SPTLC2: variants seen among roughly 807,000 people sequenced by gnomAD.
SPTLC2 encodes the protein serine palmitoyltransferase 2.
Under a neutral mutation model 62.0 loss-of-function variants are expected in SPTLC2, and 21 were observed. The ratio of observed to expected loss-of-function variants is 0.34; its 90% CI spans 0.24 to 0.49. The LOEUF is 0.49. Ranked by LOEUF, SPTLC2 falls within the 20% of genes least tolerant of loss-of-function variation. The pLI is 0.99. For synonymous variants in SPTLC2, 261 were observed against 261.8 expected (o/e 1.00, Z 0.03); for missense variants, 511 against 713.0 (o/e 0.72, Z 3.23).
At chr14:77,568,211 C>T (rs2079657095) in intron 5 of SPTLC2, among the ~76,000 whole-genome samples, 1 of 152,036 alleles carries the variant, frequency 6.6e-6, no homozygotes, top group Admixed American at 6.5e-5. Context: ...CTTCTTTGGC[C>T]CATGGGTTAT....
chr14:77,589,512 A>G (rs115277005), intron 2 of SPTLC2, among the ~76,000 whole-genome samples: 4,471 of 149,570 alleles, frequency 0.03, 234 homozygotes, highest in African/African-American at 0.1. Flanking sequence ...GATAATGGCC[A>G]GGCACGGTGG....
At chr14:77,567,162 A>G (rs1475596782) in intron 5 of SPTLC2, among the ~76,000 whole-genome samples, 1 of 151,468 alleles carries the variant, frequency 6.6e-6, no homozygotes, top group Non-Finnish European at 1.5e-5. Context: ...AGTAGAGACA[A>G]GGTTTCATCC....
At chr14:77,514,812 C>T (rs1039826552) in intron 11 of SPTLC2, among the ~76,000 whole-genome samples, 1 of 152,228 alleles carries the variant, frequency 6.6e-6, no homozygotes. Context: ...CTCACTCCCC[C>T]TCCTCTCAGG....
rs1016481548 is a variant in SPTLC2 at position 77,519,434 on chromosome 14, G to T, written c.1440-1267C>A. On this transcript the variant is annotated intron_variant, in intron 10 of 11. Transcript: ENST00000216484. ...AGCATTTGTTTGAGAATAAAAAAAT[G>T]TGGCCGGGCCAGTGGCTCGTGCCTG... 9.9e-5 allele frequency among the ~76,000 whole-genome samples: 15 copies of T among 152,092 alleles called. No individual in the cohort carries two copies. The South Asian group carries it at 2.9e-3, about 29-fold the overall frequency.
At position 77,531,371 on chromosome 14, in the gene SPTLC2, T is replaced by G. The variant is rs562487577; in HGVS notation, c.1304-9790A>C. Reference sequence around the variant, plus strand: ...GAAGATGGTACTCTTCCTGGTTGACTGTTCTCTACCATAAGCCCTGAAAGT... The same window carrying G: ...GAAGATGGTACTCTTCCTGGTTGACGGTTCTCTACCATAAGCCCTGAAAGT... On this transcript the variant is annotated intron_variant, in intron 9 of 11. Transcript: ENST00000216484. Among the ~76,000 whole-genome samples, 9 of 152,144 alleles carry G rather than the reference T, an allele frequency of 5.9e-5. No individual in the cohort carries two copies. The South Asian group carries it at 1.2e-3, about 21-fold the overall frequency.
chr14:77,511,948 G>C lies in SPTLC2; in HGVS notation c.*336C>G, dbSNP rs2079334257. 1 of 358,306 alleles carries C rather than the reference G, an allele frequency of 2.8e-6. No individual in the cohort carries two copies. 22.2% of individuals were successfully genotyped at this position (358,306 alleles called of 1,614,324 possible). ...TGGGCCCAAGTCTGCAAGGTGCTGGGAGAGGGGAATGGCCTGTGTGGTTAG... is the reference window on the plus strand; with the variant it reads ...TGGGCCCAAGTCTGCAAGGTGCTGGCAGAGGGGAATGGCCTGTGTGGTTAG... On this transcript the variant is annotated 3_prime_UTR_variant, in exon 12 of 12. Coordinates refer to ENST00000216484, the MANE Select transcript of SPTLC2 (RefSeq NM_004863.4).
At chr14:77,578,334 CTT>C (rs879396969) in intron 3 of SPTLC2, among the ~76,000 whole-genome samples, 39 of 136,770 alleles carry the variant, frequency 2.9e-4, no homozygotes, top group Admixed American at 2.9e-4. Flanking sequence ...GATAGCTTTT[CTT>C]TTTTTTTTTT....
rs1178642715 is a variant in SPTLC2 at position 77,560,267 on chromosome 14, T to G, written c.850+2129A>C. Among the ~76,000 whole-genome samples the G allele has an allele frequency of 2.6e-5, 4 of 152,172 alleles. No individual in the cohort carries two copies. In the South Asian group the frequency reaches 8.3e-4, roughly 32 times the overall value. ...CAACAGCAAAGACATAGGATCAATC[T>G]AAATGTCCATCAACAGTAGACTGGA... is the stretch of plus-strand genomic sequence containing the variant. On this transcript the variant is annotated intron_variant, in intron 6 of 11. Transcript: ENST00000216484.
chr14:77,525,771 G>A (rs1301902462), intron 9 of SPTLC2, among the ~76,000 whole-genome samples: 1 of 151,968 alleles, frequency 6.6e-6, no homozygotes, highest in African/African-American at 2.4e-5. Flanking sequence ...AAAATTAGCC[G>A]GGCGTGGTGG....
chr14:77,517,707 G>A (rs2079365857), intron 11 of SPTLC2, among the ~76,000 whole-genome samples: 1 of 152,122 alleles, frequency 6.6e-6, no homozygotes, highest in Non-Finnish European at 1.5e-5. Flanking sequence ...CCAGGCAGAG[G>A]GGAGAGAAAG....
chr14:77,554,096 G>A (rs1199899545), intron 8 of SPTLC2, among the ~76,000 whole-genome samples: 7 of 152,312 alleles, frequency 4.6e-5, no homozygotes, highest in South Asian at 4.1e-4. Context: ...GGGATTACAG[G>A]TGTGAGCTAC....
intron 9 of SPTLC2, among the ~76,000 whole-genome samples, chr14:77,529,840 C>T (rs1232268214): frequency 6.6e-6 from 1 of 151,638 alleles, no homozygotes; most frequent in Non-Finnish European, 1.5e-5. Context: ...CCAGGCTGGT[C>T]TCAAACTCCT....
chr14:77,543,639 G>A (rs2079513445), intron 9 of SPTLC2, among the ~76,000 whole-genome samples: 1 of 151,560 alleles, frequency 6.6e-6, no homozygotes, highest in Admixed American at 6.6e-5. Flanking sequence ...AATACAAGCA[G>A]CCCCCCCCAA....
intron 9 of SPTLC2, among the ~76,000 whole-genome samples, chr14:77,547,356 T>C (rs2079534124): frequency 6.6e-6 from 1 of 152,130 alleles, no homozygotes; most frequent in African/African-American, 2.4e-5. Context: ...TAAATTACTT[T>C]AAAGCACAAC....
chr14:77,543,814 G>A (rs17105949), intron 9 of SPTLC2, among the ~76,000 whole-genome samples: 50,524 of 151,920 alleles, frequency 0.33, 8,530 homozygotes, highest in Middle Eastern at 0.38. Context: ...AGAAGGGAGT[G>A]TCAGCATCCC....
At chr14:77,537,797 G>A (rs1419695358) in intron 9 of SPTLC2, among the ~76,000 whole-genome samples, 1 of 152,122 alleles carries the variant, frequency 6.6e-6, no homozygotes, top group Non-Finnish European at 1.5e-5. Context: ...TTTAATACTT[G>A]TTCTGAGAAT....
chr14:77,535,778 CT>C (rs1250985990), intron 9 of SPTLC2: 9 of 328,020 alleles, frequency 2.7e-5, no homozygotes, highest in African/African-American at 2.0e-4. Context: ...AGCATTTTTG[CT>C]TGACTGATTC....
rs181092465 is a variant in SPTLC2 at position 77,587,743 on chromosome 14, G to A, written c.328-8634C>T. Among the ~76,000 whole-genome samples, 10 of 135,066 alleles carry A rather than the reference G, an allele frequency of 7.4e-5. No individual in the cohort carries two copies. The East Asian group carries it at 2.0e-3, about 27-fold the overall frequency. The allele number at this position is 135,066 out of a possible 152,430, so 88.6% of individuals were successfully genotyped here. The stretch of plus-strand genomic sequence containing the variant: ...CTGCACTCCAGCCTGGGCGACAAGA[G>A]CAAAACTCTGTCTCAAAATAATAAT... On this transcript the variant is annotated intron_variant, in intron 2 of 11. Transcript: ENST00000216484.
chr14:77,593,332 G>A (rs1025617129), intron 2 of SPTLC2, among the ~76,000 whole-genome samples: 1 of 151,992 alleles, frequency 6.6e-6, no homozygotes, highest in African/African-American at 2.4e-5. Context: ...TTGTAGAGAT[G>A]AGGTTTCATT....
Sources: gnomAD v4.1 joint callset for allele counts (sites outside exome capture counted in the v4.1 genomes callset) on GRCh38, gnomAD v4.1.1 for gene constraint, MANE v1.5 for transcripts, NCBI Gene and HGNC (gene_info 2026-07-23, HGNC 2026-07-21) for gene names.